IL1RAPL1: variants seen among roughly 807,000 people sequenced by gnomAD.
IL1RAPL1 encodes the protein interleukin 1 receptor accessory protein like 1.
In IL1RAPL1, 3 loss-of-function variants were observed where a neutral mutation model predicts 48.4. The observed-to-expected ratio is 0.06, with a 90% CI of 0.03 to 0.16. The LOEUF is 0.16. Among genes scored for constraint, IL1RAPL1 ranks in the 10% least tolerant of loss-of-function variants. The pLI is 1.00. For synonymous variants in IL1RAPL1, 185 were observed against 187.7 expected (o/e 0.99, Z 0.12); for missense variants, 349 against 530.6 (o/e 0.66, Z 3.36).
chrX:29,806,103 G>A (rs1392600577), intron 6 of IL1RAPL1, among the ~76,000 whole-genome samples: 3 of 110,656 alleles, frequency 2.7e-5, no homozygotes, highest in Admixed American at 9.7e-5. Context: ...CCAGAAAATG[G>A]GAGGGGGCAA....
intron 2 of IL1RAPL1, among the ~76,000 whole-genome samples, chrX:29,221,201 T>C (rs1226686541): frequency 8.9e-6 from 1 of 112,283 alleles, no homozygotes; most frequent in Non-Finnish European, 1.9e-5. Context: ...ATAAGGTTCA[T>C]ATATTTCAGT....
rs752241175 is a variant in IL1RAPL1, at chrX:28,680,272, A to G, written c.-25+92225A>G. 5.4e-5 allele frequency among the ~76,000 whole-genome samples: 6 copies of G among 111,505 alleles called. No individual in the cohort carries two copies. In the East Asian group the frequency reaches 1.7e-3, roughly 31 times the overall value. On this transcript the variant is annotated intron_variant, in intron 1 of 10. Coordinates refer to ENST00000378993, the MANE Select transcript of IL1RAPL1 (RefSeq NM_014271.4). Reference sequence around the variant, plus strand: ...TTTCCTTTCTGGATAGTTTGTTGTCAGTAGATAGAAATGACAGTGATTTTT... The same window carrying G: ...TTTCCTTTCTGGATAGTTTGTTGTCGGTAGATAGAAATGACAGTGATTTTT...
chrX:29,539,614 T>TC (rs1415755134), intron 5 of IL1RAPL1, among the ~76,000 whole-genome samples: 2 of 110,553 alleles, frequency 1.8e-5, no homozygotes, highest in Non-Finnish European at 3.8e-5. Context: ...TTTAGCACCG[T>TC]CCCCCCTTAG....
At chrX:29,622,960 A>G (rs1001395131) in intron 5 of IL1RAPL1, among the ~76,000 whole-genome samples, 1 of 110,358 alleles carries the variant, frequency 9.1e-6, no homozygotes, top group Non-Finnish European at 1.9e-5. Context: ...TATTGTATCT[A>G]TATTTATCTA....
chrX:28,868,720 A>G (rs1356089780), intron 2 of IL1RAPL1, among the ~76,000 whole-genome samples: 2 of 112,040 alleles, frequency 1.8e-5, no homozygotes, highest in Non-Finnish European at 3.8e-5. Flanking sequence ...AATAATCTCT[A>G]GTTCACAAAC....
rs1024893809 is a variant in IL1RAPL1, at chrX:28,923,184, C to CT, written c.82+133768dup. ...TTGTACGTTTCTTTTTCTTTCTTTT[C>CT]TTTTTTTTTGAGAAGGAGTTTCGCT... is the stretch of plus-strand genomic sequence containing the variant. On this transcript the variant is annotated intron_variant, in intron 2 of 10. Coordinates refer to ENST00000378993, the MANE Select transcript of IL1RAPL1 (RefSeq NM_014271.4). Among the ~76,000 whole-genome samples the CT allele has an allele frequency of 7.3e-4, 79 of 107,897 alleles. 1 individual carries two copies. The highest frequency in any genetic ancestry group is 9.3e-4 in the Non-Finnish European group (49 of 52,458). 93.7% of individuals were successfully genotyped at this position (107,897 alleles called of 115,157 possible).
At chrX:29,581,560 T>A (rs1007239552) in intron 5 of IL1RAPL1, among the ~76,000 whole-genome samples, 5 of 112,203 alleles carry the variant, frequency 4.5e-5, no homozygotes, top group African/African-American at 1.6e-4. Flanking sequence ...TTTTTAAAAA[T>A]GTGTTTTAAT....
chrX:29,498,380 AT>A (rs1246602774), intron 5 of IL1RAPL1, among the ~76,000 whole-genome samples: 1 of 110,436 alleles, frequency 9.1e-6, no homozygotes, highest in African/African-American at 3.3e-5. Context: ...CATTTGCTTC[AT>A]TTCTATTTCA....
At chrX:29,552,989 T>A (rs1265596493) in intron 5 of IL1RAPL1, among the ~76,000 whole-genome samples, 1 of 109,857 alleles carries the variant, frequency 9.1e-6, no homozygotes, top group Non-Finnish European at 1.9e-5. Context: ...TCTATCTCCT[T>A]TTAATTACTC....
intron 6 of IL1RAPL1, among the ~76,000 whole-genome samples, chrX:29,886,544 G>T (rs1932172005): frequency 8.9e-6 from 1 of 112,226 alleles, no homozygotes; most frequent in South Asian, 3.7e-4. Context: ...TACTCATTCA[G>T]AATTTCATAT....
intron 1 of IL1RAPL1, among the ~76,000 whole-genome samples, chrX:28,645,232 AGCTACTCG>A (rs1934593390): frequency 9.5e-6 from 1 of 105,730 alleles, no homozygotes; most frequent in Non-Finnish European, 1.9e-5. Context: ...CTGTAATCCC[AGCTACTCG>A]GGAGGCTGAG....
chrX:29,649,589 G>A (rs1334550351), intron 5 of IL1RAPL1, among the ~76,000 whole-genome samples: 1 of 111,034 alleles, frequency 9.0e-6, no homozygotes, highest in Non-Finnish European at 1.9e-5. Context: ...ATAGAAATTA[G>A]GTATAGAAAC....
At chrX:29,915,836 T>C (rs750455695) in intron 6 of IL1RAPL1, among the ~76,000 whole-genome samples, 378 of 87,620 alleles carry the variant, frequency 4.3e-3, no homozygotes, top group African/African-American at 0.015. Flanking sequence ...GCCATGCTGG[T>C]GCGCTGCACC....
At chrX:29,861,053 G>A (rs925520486) in intron 6 of IL1RAPL1, among the ~76,000 whole-genome samples, 3 of 112,069 alleles carry the variant, frequency 2.7e-5, no homozygotes, top group African/African-American at 9.7e-5. Flanking sequence ...GAGCTCAGGA[G>A]TTAATGCTGT....
intron 2 of IL1RAPL1, among the ~76,000 whole-genome samples, chrX:29,243,775 C>T (rs1931463147): frequency 8.9e-6 from 1 of 111,832 alleles, no homozygotes; most frequent in Non-Finnish European, 1.9e-5. Context: ...TTCCTTAATT[C>T]AGTCACTCAT....
At chrX:29,669,682 G>T (rs1264099839) in intron 6 of IL1RAPL1, among the ~76,000 whole-genome samples, 1 of 111,380 alleles carries the variant, frequency 9.0e-6, no homozygotes, top group African/African-American at 3.3e-5. Flanking sequence ...ACAAGTCAGG[G>T]TGTTAATATC....
chrX:29,493,762 A>G (rs1237778362), intron 5 of IL1RAPL1, among the ~76,000 whole-genome samples: 2 of 111,240 alleles, frequency 1.8e-5, no homozygotes. Flanking sequence ...TGGGGTGTGA[A>G]TGATCCCGTC....
intron 2 of IL1RAPL1, among the ~76,000 whole-genome samples, chrX:28,815,326 T>A (rs1012331560): frequency 1.8e-5 from 2 of 110,664 alleles, no homozygotes; most frequent in African/African-American, 6.5e-5. Flanking sequence ...TGATGTTTTT[T>A]CTTTTTTTAT....
intron 1 of IL1RAPL1, among the ~76,000 whole-genome samples, chrX:28,627,471 C>T (rs976730665): frequency 3.6e-5 from 4 of 111,957 alleles, no homozygotes; most frequent in South Asian, 3.7e-4. Flanking sequence ...AACAGCTTTA[C>T]GGAATCTGCC....
Sources: gnomAD v4.1 joint callset for allele counts (sites outside exome capture counted in the v4.1 genomes callset) on GRCh38, gnomAD v4.1.1 for gene constraint, MANE v1.5 for transcripts, NCBI Gene and HGNC (gene_info 2026-07-23, HGNC 2026-07-21) for gene names.